The following KCNMA1 variants were observed in gnomAD, a reference collection of about 807,000 sequenced individuals.
The protein encoded by KCNMA1 is Calcium-activated potassium channel subunit alpha-1.
Under a neutral mutation model 140.0 loss-of-function variants are expected in KCNMA1, and 29 were observed. That is an observed-to-expected ratio of 0.21 (90% confidence interval 0.15 to 0.28). The LOEUF is 0.28. KCNMA1 is among the 10% of genes least tolerant of loss of function. KCNMA1 has a pLI of 1.00. For missense variants in KCNMA1, 880 were observed against 1,602.2 expected, an observed-to-expected ratio of 0.55 and a Z score of 7.70; for synonymous variants, 612 against 611.9, an observed-to-expected ratio of 1.00 and a Z score of 0.00.
At chr10:77,479,114 A>G (rs1393833196) in intron 1 of KCNMA1, among the ~76,000 whole-genome samples, 1 of 152,224 alleles carries the variant, frequency 6.6e-6, no homozygotes, top group Non-Finnish European at 1.5e-5. Flanking sequence ...TTTTTTGCAG[A>G]TAATTTACAA....
At chr10:77,631,712 T>C (rs766276534) in intron 1 of KCNMA1, among the ~76,000 whole-genome samples, 1 of 152,140 alleles carries the variant, frequency 6.6e-6, no homozygotes, top group Admixed American at 6.5e-5. Context: ...AATGTCCCCA[T>C]CCAGGGAACA....
chr10:77,035,485 C>T (rs899807137), intron 15 of KCNMA1, among the ~76,000 whole-genome samples: 2 of 152,146 alleles, frequency 1.3e-5, no homozygotes, highest in Non-Finnish European at 1.5e-5. Context: ...AGGCAGCCAC[C>T]CTAGGGAAAC....
intron 1 of KCNMA1, among the ~76,000 whole-genome samples, chr10:77,478,219 C>T (rs143834051): frequency 1.7e-3 from 261 of 152,360 alleles, no homozygotes; most frequent in Non-Finnish European, 3.1e-3. Context: ...AGAGTCTGTA[C>T]TGGCTTAGTT....
chr10:77,298,163 G>A (rs569092388), intron 2 of KCNMA1, among the ~76,000 whole-genome samples: 15 of 152,284 alleles, frequency 9.9e-5, no homozygotes, highest in African/African-American at 3.4e-4. Flanking sequence ...TCAACAAAAA[G>A]GACTGAGAGA....
At chr10:77,431,325 G>A (rs1013645079) in intron 1 of KCNMA1, among the ~76,000 whole-genome samples, 2 of 152,204 alleles carry the variant, frequency 1.3e-5, no homozygotes, top group African/African-American at 2.4e-5. Context: ...AAACTGGATG[G>A]TATGACATTC....
intron 2 of KCNMA1, among the ~76,000 whole-genome samples, chr10:77,319,526 C>T (rs1254202480): frequency 6.6e-6 from 1 of 152,204 alleles, no homozygotes; most frequent in Non-Finnish European, 1.5e-5. Flanking sequence ...CCAAAAGCCT[C>T]ACCTTTTCAC....
rs2040099931 is a variant in KCNMA1, at chr10:76,891,633, C to T, written c.3234G>A (p.Glu1078=). ...ATPELEALIA[E]ENALRGGYST... is the part of the protein sequence containing the mutation. ...TGTAGCCACCTCTAAGGGCGTTTTC[C>T]TCAGCAATCAGAGCCTCCAGCTCCG... The change falls in exon 26 of 28, where the codon GAG becomes GAA. Residue 1078 remains glutamate (E), a synonymous_variant. Transcript: ENST00000286628. The T allele has an allele frequency of 6.2e-7, 1 of 1,614,118 alleles. No homozygotes were observed.
At chr10:76,935,672 A>G (rs1297162006) in intron 23 of KCNMA1, among the ~76,000 whole-genome samples, 1 of 152,220 alleles carries the variant, frequency 6.6e-6, no homozygotes, top group Non-Finnish European at 1.5e-5. Context: ...AATTTTGAGG[A>G]GTAAACTGGC....
chr10:77,225,392 G>C (rs146158733), intron 3 of KCNMA1, among the ~76,000 whole-genome samples: 81 of 152,260 alleles, frequency 5.3e-4, no homozygotes, highest in African/African-American at 1.9e-3. Flanking sequence ...CAGGTGGAGA[G>C]GTGAAACATG....
chr10:77,005,643 TG>T (rs1243003516), intron 18 of KCNMA1, among the ~76,000 whole-genome samples: 1 of 152,206 alleles, frequency 6.6e-6, no homozygotes, highest in Non-Finnish European at 1.5e-5. Flanking sequence ...TGAGGTTATG[TG>T]GTTGCTAAGA....
chr10:76,963,437 G>C (rs1164534117), intron 20 of KCNMA1, among the ~76,000 whole-genome samples: 1 of 152,138 alleles, frequency 6.6e-6, no homozygotes, highest in African/African-American at 2.4e-5. Flanking sequence ...ATAAAGTTTT[G>C]CCCAGATGGA....
intron 2 of KCNMA1, among the ~76,000 whole-genome samples, chr10:77,258,339 C>T (rs1218746515): frequency 6.6e-6 from 1 of 152,122 alleles, no homozygotes; most frequent in Non-Finnish European, 1.5e-5. Context: ...TTTGTGTTTC[C>T]AGCAGCACAA....
exon 28 of KCNMA1, chr10:76,870,336 A>T (rs1240396127): frequency 1.3e-5 from 2 of 152,210 alleles, no homozygotes; most frequent in African/African-American, 4.8e-5. Context: ...GATTCTAAAC[A>T]GTGGGGCCCG....
At chr10:76,971,724 G>A (rs1450007606) in intron 19 of KCNMA1, among the ~76,000 whole-genome samples, 1 of 152,118 alleles carries the variant, frequency 6.6e-6, no homozygotes, top group Non-Finnish European at 1.5e-5. Context: ...TATGTGGCTG[G>A]GATGATATCG....
chr10:77,088,487 T>C (rs556838138), intron 10 of KCNMA1, among the ~76,000 whole-genome samples: 84 of 152,216 alleles, frequency 5.5e-4, no homozygotes, highest in Non-Finnish European at 1.1e-3. Flanking sequence ...TGGAGTGCAG[T>C]GGTGCCATCT....
chr10:77,189,216 T>G (rs1185189773), intron 3 of KCNMA1, among the ~76,000 whole-genome samples: 1 of 152,136 alleles, frequency 6.6e-6, no homozygotes, highest in Admixed American at 6.6e-5. Context: ...AAAAAACCTT[T>G]CTTGCAACTA....
intron 2 of KCNMA1, among the ~76,000 whole-genome samples, chr10:77,317,766 A>G (rs613364): frequency 0.86 from 131,178 of 152,266 alleles, 56,950 homozygotes; most frequent in African/African-American, 0.97. Context: ...TTTCCTCATC[A>G]GGGAAGATAA....
chr10:76,940,998 A>AAGGAAGG (rs2061823952), intron 23 of KCNMA1, among the ~76,000 whole-genome samples: 1 of 63,226 alleles, frequency 1.6e-5, no homozygotes, highest in African/African-American at 6.7e-5. Context: ...AGAGAGAAAG[A>AAGGAAGG]AAGGAAGGAA....
chr10:77,213,827 AC>A (rs1192437704), intron 3 of KCNMA1, among the ~76,000 whole-genome samples: 1 of 151,528 alleles, frequency 6.6e-6, no homozygotes, highest in Non-Finnish European at 1.5e-5. Context: ...GGCCTCAAAC[AC>A]CCCATTCATC....
Sources: allele counts gnomAD v4.1 joint callset (sites outside exome capture counted in the v4.1 genomes callset), GRCh38; gene constraint gnomAD v4.1.1; transcripts MANE v1.5; gene names NCBI Gene and HGNC (gene_info 2026-07-23, HGNC 2026-07-21).